WDR27: variants seen among roughly 807,000 people sequenced by gnomAD.
WDR27 encodes WD repeat domain 27.
WDR27 carries 100 observed loss-of-function variants against 114.4 expected under a neutral mutation model. The ratio of observed to expected loss-of-function variants is 0.87; its 90% CI spans 0.74 to 1.03. The LOEUF (loss-of-function observed/expected upper bound fraction) is 1.03, where lower values mean the gene tolerates loss of function less well. Ranked by LOEUF, WDR27 falls within the 50% of genes least tolerant of loss-of-function variation. The probability of loss-of-function intolerance (pLI) is 0.00; values close to 1 mark genes in which losing one functional copy is unlikely to be tolerated. For synonymous variants in WDR27, 449 were observed against 423.1 expected (o/e 1.06, Z -0.75); for missense variants, 1,129 against 1,092.9 (o/e 1.03, Z -0.47).
At chr6:169,643,932 G>C (rs1264686321) in intron 16 of WDR27, 146 bp from the exon 17 acceptor site, 1 of 614,530 alleles carries the variant, frequency 1.6e-6, no homozygotes, top group Admixed American at 3.0e-5. Flanking sequence ...GTTCACAAGA[G>C]TCACACTGTA....
the WDR27 span, among the ~76,000 whole-genome samples, chr6:169,448,485 T>C: frequency 6.6e-6 from 1 of 151,948 alleles, no homozygotes; most frequent in Non-Finnish European, 1.5e-5. Context: ...AGAAGGAGTA[T>C]GATGTGCAAG....
chr6:169,693,871 C>T (rs1052411296), intron 1 of WDR27, among the ~76,000 whole-genome samples: 4 of 152,142 alleles, frequency 2.6e-5, no homozygotes, highest in Non-Finnish European at 4.4e-5. Context: ...TAAGAAATGA[C>T]ATAGCAACAC....
At chr6:169,460,852 T>C (rs1227372768) in intron 25 of WDR27, among the ~76,000 whole-genome samples, 1 of 152,196 alleles carries the variant, frequency 6.6e-6, no homozygotes, top group East Asian at 1.9e-4. Context: ...TTGCATTGGT[T>C]AAAGAAATCC....
intron 1 of WDR27, among the ~76,000 whole-genome samples, chr6:169,697,999 G>C (rs1585245171): frequency 1.3e-5 from 2 of 152,198 alleles, no homozygotes; most frequent in East Asian, 3.9e-4. Context: ...GAATGTGCTT[G>C]CATTTCCTGA....
intron 25 of WDR27, among the ~76,000 whole-genome samples, chr6:169,556,403 G>A (rs73792940): frequency 0.016 from 2,478 of 152,266 alleles, 63 homozygotes; most frequent in African/African-American, 0.057. Context: ...ACCCTGACTC[G>A]TGACCCACAG....
intron 2 of WDR27, among the ~76,000 whole-genome samples, chr6:169,673,673 C>T (rs745782874): frequency 1.3e-4 from 19 of 151,924 alleles, no homozygotes; most frequent in Non-Finnish European, 1.9e-4. Context: ...CAAGGGGCTA[C>T]GGGCACAAAA....
the WDR27 span, among the ~76,000 whole-genome samples, chr6:169,448,710 C>G: frequency 1.3e-5 from 2 of 152,194 alleles, no homozygotes; most frequent in Non-Finnish European, 2.9e-5. Context: ...GTGGCCTACT[C>G]TGGACTACAG....
intron 22 of WDR27, 104 bp from the exon 23 acceptor site, chr6:169,602,425 A>C: frequency 1.4e-6 from 1 of 692,716 alleles, no homozygotes; most frequent in Non-Finnish European, 2.5e-6. Context: ...AAAGGAACAA[A>C]AGAATAATGA....
intron 13 of WDR27, among the ~76,000 whole-genome samples, chr6:169,654,944 T>C (rs188292640): frequency 6.6e-6 from 1 of 152,306 alleles, no homozygotes; most frequent in Non-Finnish European, 1.5e-5. Flanking sequence ...TCAGGTATTC[T>C]GGGAAAGGAG....
intron 13 of WDR27, among the ~76,000 whole-genome samples, chr6:169,655,693 A>G (rs1227312962): frequency 6.6e-6 from 1 of 152,178 alleles, no homozygotes; most frequent in African/African-American, 2.4e-5. Context: ...CTGGCCTGAC[A>G]ACTGAAGGGT....
intron 24 of WDR27, among the ~76,000 whole-genome samples, chr6:169,580,590 G>T (rs889837436): frequency 6.6e-6 from 1 of 152,134 alleles, no homozygotes. Context: ...AACTTGTCCT[G>T]CCTGTGGTTA....
chr6:169,516,711 G>GC (rs1448486240), intron 25 of WDR27, among the ~76,000 whole-genome samples: 4 of 150,972 alleles, frequency 2.6e-5, no homozygotes, highest in African/African-American at 9.7e-5. Context: ...ACCTGAGACG[G>GC]CTCTGAAGGC....
the WDR27 span, among the ~76,000 whole-genome samples, chr6:169,444,392 C>T: frequency 6.6e-6 from 1 of 152,360 alleles, no homozygotes; most frequent in East Asian, 1.9e-4. Context: ...CAAGGGCATT[C>T]ATCATACAGC....
intron 25 of WDR27, among the ~76,000 whole-genome samples, chr6:169,504,261 A>G (rs1451927057): frequency 6.6e-6 from 1 of 152,208 alleles, no homozygotes; most frequent in Non-Finnish European, 1.5e-5. Flanking sequence ...TGAATGTATC[A>G]TGTTACTCAC....
At chr6:169,529,182 A>G (rs1303796567) in intron 25 of WDR27, among the ~76,000 whole-genome samples, 1 of 152,046 alleles carries the variant, frequency 6.6e-6, no homozygotes, top group Admixed American at 6.5e-5. Context: ...AGGCTAAAAA[A>G]CAGTATTTGC....
At chr6:169,599,201 A>C (rs115155837) in intron 23 of WDR27, among the ~76,000 whole-genome samples, 259 of 144,892 alleles carry the variant, frequency 1.8e-3, no homozygotes, top group African/African-American at 6.5e-3. Flanking sequence ...ATGTGTTCTC[A>C]AAAACAATAA....
the WDR27 span, among the ~76,000 whole-genome samples, chr6:169,440,024 C>T: frequency 4.6e-5 from 7 of 150,652 alleles, no homozygotes; most frequent in Admixed American, 2.6e-4. Context: ...AAATCTGAAG[C>T]CTGCCTTGAT....
At chr6:169,652,065 G>A in intron 13 of WDR27, 57 bp from the exon 14 acceptor site, 1 of 1,453,974 alleles carries the variant, frequency 6.9e-7, no homozygotes. Context: ...ATCTCATGAT[G>A]GACATGAGAA....
intron 25 of WDR27, among the ~76,000 whole-genome samples, chr6:169,481,030 T>G (rs1396461630): frequency 6.6e-6 from 1 of 151,716 alleles, no homozygotes; most frequent in Non-Finnish European, 1.5e-5. Context: ...TAAATGTTTA[T>G]GGATGCATCA....
Sources: gnomAD v4.1 joint callset for allele counts (sites outside exome capture counted in the v4.1 genomes callset) on GRCh38, gnomAD v4.1.1 for gene constraint, MANE v1.5 for transcripts, NCBI Gene and HGNC (gene_info 2026-07-23, HGNC 2026-07-21) for gene names.